The following TBC1D23 variants were observed in gnomAD, a reference collection of about 807,000 sequenced individuals.
The protein encoded by TBC1D23 is TBC1 domain family member 23.
A neutral mutation model predicts 91.4 loss-of-function variants in TBC1D23; 55 were observed. That is an observed-to-expected ratio of 0.60 (90% CI 0.48 to 0.75). The LOEUF (loss-of-function observed/expected upper bound fraction) is 0.75. TBC1D23 is among the 30% of genes least tolerant of loss of function. The pLI is 0.00. For synonymous variants in TBC1D23, 289 were observed against 281.0 expected (o/e 1.03, Z -0.28); for missense variants, 725 against 836.1 (o/e 0.87, Z 1.64).
In TBC1D23 at chr3:100,288,059, T is replaced by C. The variant is rs149926184; in HGVS notation, c.477-2519T>C. On this transcript the variant is annotated intron_variant, in intron 4 of 18. Coordinates refer to ENST00000394144, the MANE Select transcript of TBC1D23 (RefSeq NM_001199198.3). ...GAGTTTGAGACCAGCCGAGGCAACA[T>C]AGTGAGACCCTGATCCTACAAAAAA... 4.7e-3 allele frequency among the ~76,000 whole-genome samples: 710 copies of C among 151,984 alleles called. 2 individuals are homozygous for C. Among genetic ancestry groups the C allele is most frequent in the Non-Finnish European group, 6.3e-3 (431 of 67,978 alleles).
chr3:100,281,491 T>G (rs2067694172), intron 2 of TBC1D23, among the ~76,000 whole-genome samples: 1 of 152,230 alleles, frequency 6.6e-6, no homozygotes, highest in South Asian at 2.1e-4. Flanking sequence ...TTTACATATC[T>G]AAATATATAA....
chr3:100,285,791 T>A (rs2067736140), intron 4 of TBC1D23, among the ~76,000 whole-genome samples: 1 of 152,238 alleles, frequency 6.6e-6, no homozygotes. Context: ...ATTATGGTTG[T>A]TGACTTGCAT....
At chr3:100,266,086 G>A (rs904602325) in intron 1 of TBC1D23, among the ~76,000 whole-genome samples, 5 of 152,162 alleles carry the variant, frequency 3.3e-5, no homozygotes, top group Admixed American at 6.5e-5. Flanking sequence ...GGGAAGGCTG[G>A]ATACTACTTT....
At chr3:100,281,390 TG>T (rs1454514747) in intron 2 of TBC1D23, among the ~76,000 whole-genome samples, 1 of 152,238 alleles carries the variant, frequency 6.6e-6, no homozygotes, top group Non-Finnish European at 1.5e-5. Context: ...AGTATTCTTT[TG>T]TATAATTTTA....
intron 15 of TBC1D23, among the ~76,000 whole-genome samples, chr3:100,314,595 G>A (rs1412865106): frequency 6.6e-6 from 1 of 152,006 alleles, no homozygotes; most frequent in African/African-American, 2.4e-5. Context: ...GCAAGATCCT[G>A]TCTCTGAAAA....
chr3:100,278,600 G>A (rs1476484241), intron 1 of TBC1D23, among the ~76,000 whole-genome samples: 1 of 152,058 alleles, frequency 6.6e-6, no homozygotes, highest in Non-Finnish European at 1.5e-5. Context: ...TGGCCAGGCT[G>A]GTCTTGAACT....
chr3:100,287,047 A>C (rs1200237706), intron 4 of TBC1D23, among the ~76,000 whole-genome samples: 2 of 152,100 alleles, frequency 1.3e-5, no homozygotes, highest in Non-Finnish European at 2.9e-5. Context: ...TTCTGACCTC[A>C]AGTGATCCGC....
chr3:100,268,776 G>A (rs899024878), intron 1 of TBC1D23, among the ~76,000 whole-genome samples: 1 of 152,152 alleles, frequency 6.6e-6, no homozygotes. Flanking sequence ...CACCTCATAT[G>A]TATAGAAGGG....
rs1559818794 is a variant in TBC1D23 at position 100,323,715 on chromosome 3, C to T, written c.*47C>T. The T allele has an allele frequency of 4.9e-6, 5 of 1,020,382 alleles. No individual in the cohort carries two copies. Among genetic ancestry groups the T allele is most frequent in the Non-Finnish European group, 6.8e-6 (5 of 735,682 alleles). The allele number at this position is 1,020,382 out of a possible 1,614,324, so 63.2% of individuals were successfully genotyped here. A position where few individuals can be genotyped will look rare whatever the true frequency, so the allele number is the denominator to read the frequency against. On this transcript the variant is annotated 3_prime_UTR_variant, in exon 19 of 19. Coordinates refer to ENST00000394144, the MANE Select transcript of TBC1D23 (RefSeq NM_001199198.3). Reference sequence around the variant, plus strand: ...AAGAAATTAAGACAACCAAGAGAAACATGGACATATACCTCCTGACTGAAT... The same window carrying T: ...AAGAAATTAAGACAACCAAGAGAAATATGGACATATACCTCCTGACTGAAT...
chr3:100,313,295 G>C (rs965941820), intron 15 of TBC1D23, among the ~76,000 whole-genome samples: 1 of 151,932 alleles, frequency 6.6e-6, no homozygotes, highest in African/African-American at 2.4e-5. Flanking sequence ...AATCATCTCT[G>C]ATCCACAGGT....
intron 1 of TBC1D23, among the ~76,000 whole-genome samples, chr3:100,270,596 G>C (rs1225575772): frequency 6.6e-6 from 1 of 152,110 alleles, no homozygotes; most frequent in African/African-American, 2.4e-5. Context: ...GATAATCACA[G>C]GTTATATTTT....
chr3:100,272,337 G>C (rs1172675954), intron 1 of TBC1D23, among the ~76,000 whole-genome samples: 1 of 152,194 alleles, frequency 6.6e-6, no homozygotes, highest in Non-Finnish European at 1.5e-5. Flanking sequence ...CGCTAGAGAA[G>C]TAATATGTTT....
At chr3:100,307,742 CTAAA>C (rs1164152717) in intron 13 of TBC1D23, among the ~76,000 whole-genome samples, 1 of 152,182 alleles carries the variant, frequency 6.6e-6, no homozygotes, top group African/African-American at 2.4e-5. Context: ...CTTTAAATAA[CTAAA>C]TAATATTTCA....
chr3:100,297,957 G>A lies in TBC1D23; in HGVS notation c.911G>A (p.Gly304Glu). Reference protein sequence around the residue: ...NHHLFGSTLLGIKDDDADLSQ... With the variant: ...NHHLFGSTLLEIKDDDADLSQ... ...CATCTCTTTGGTAGTACTTTGTTGG[G>A]AATTAAGGATGATGATGCAGATCTG... The change falls in exon 9 of 19, where the codon GGA becomes GAA. Residue 304 changes from glycine (G) to glutamate (E), a missense_variant. By Grantham distance (98) the Gly-to-Glu change is moderately conservative (BLOSUM62 -2). Coordinates refer to ENST00000394144, the MANE Select transcript of TBC1D23 (RefSeq NM_001199198.3). 1 of 1,612,400 alleles carries A rather than the reference G, an allele frequency of 6.2e-7. No individual in the cohort carries two copies.
intron 15 of TBC1D23, 152 bp from the exon 16 acceptor site, chr3:100,315,947 T>TA: frequency 1.6e-6 from 1 of 619,184 alleles, no homozygotes; most frequent in Non-Finnish European, 2.9e-6. Flanking sequence ...TTCCTTAACA[T>TA]AGCTCTCCTA....
chr3:100,323,249 G>A (rs997142904), intron 18 of TBC1D23, among the ~76,000 whole-genome samples: 2 of 152,120 alleles, frequency 1.3e-5, no homozygotes, highest in Non-Finnish European at 2.9e-5. Context: ...CTAATTGAAG[G>A]TACATCTGTA....
intron 13 of TBC1D23, among the ~76,000 whole-genome samples, chr3:100,307,817 G>GT (rs1203893671): frequency 6.6e-6 from 1 of 152,010 alleles, no homozygotes; most frequent in African/African-American, 2.4e-5. Flanking sequence ...ATTGTTTCCA[G>GT]TTTTTTTCTG....
intron 1 of TBC1D23, among the ~76,000 whole-genome samples, chr3:100,276,538 A>G (rs1175659745): frequency 2.6e-5 from 4 of 152,208 alleles, no homozygotes; most frequent in African/African-American, 7.2e-5. Context: ...AAATGCTTCC[A>G]TATGTTATTC....
intron 1 of TBC1D23, chr3:100,267,130 A>G: frequency 2.8e-6 from 1 of 358,718 alleles, no homozygotes; most frequent in Middle Eastern, 9.5e-4. Flanking sequence ...TTCTGAAGAT[A>G]TCTAAATGCT....
Sources: allele counts gnomAD v4.1 joint callset (sites outside exome capture counted in the v4.1 genomes callset), GRCh38; gene constraint gnomAD v4.1.1; transcripts MANE v1.5; gene names NCBI Gene and HGNC (gene_info 2026-07-23, HGNC 2026-07-21).